Variants in DOCK7 observed in about 807,000 individuals in gnomAD.
DOCK7 encodes dedicator of cytokinesis protein 7.
Under a neutral mutation model 271.0 loss-of-function variants are expected in DOCK7, and 138 were observed. The ratio of observed to expected loss-of-function variants is 0.51; its 90% CI spans 0.44 to 0.59. DOCK7 has a LOEUF of 0.59. DOCK7 is among the 20% of genes least tolerant of loss of function. The pLI, the probability that DOCK7 is intolerant of heterozygous loss-of-function variation, is 0.00. For synonymous variants in DOCK7, 823 were observed against 876.1 expected (o/e 0.94, Z 1.07); for missense variants, 2,066 against 2,592.4 (o/e 0.80, Z 4.41).
intron 29 of DOCK7, among the ~76,000 whole-genome samples, chr1:62,534,420 G>GC (rs1432081956): frequency 5.3e-5 from 8 of 152,072 alleles, no homozygotes; most frequent in African/African-American, 1.9e-4. Flanking sequence ...TGGGAGACCA[G>GC]CCTGGCCAAC....
intron 38 of DOCK7, 192 bp from the exon 39 acceptor site, chr1:62,495,873 TCAG>T: frequency 2.2e-6 from 1 of 459,264 alleles, no homozygotes; most frequent in Non-Finnish European, 3.7e-6. Flanking sequence ...TATAAATTCC[TCAG>T]CAGACTATGT....
chr1:62,661,497 C>A (rs2149712975), intron 2 of DOCK7, among the ~76,000 whole-genome samples: 1 of 151,870 alleles, frequency 6.6e-6, no homozygotes, highest in South Asian at 2.1e-4. Context: ...ATATATTATA[C>A]ATATATAAAT....
chr1:62,682,047 GAA>G (rs200210698), intron 1 of DOCK7, among the ~76,000 whole-genome samples: 1 of 135,412 alleles, frequency 7.4e-6, no homozygotes. Flanking sequence ...GTATCTAAAA[GAA>G]AAAAAAAAAA....
At chr1:62,659,887 T>C (rs1486392854) in intron 2 of DOCK7, among the ~76,000 whole-genome samples, 1 of 151,490 alleles carries the variant, frequency 6.6e-6, no homozygotes, top group African/African-American at 2.4e-5. Context: ...AATAACAGAG[T>C]TATACTCTGT....
chr1:62,593,620 C>A (rs1171348463), intron 14 of DOCK7, among the ~76,000 whole-genome samples: 1 of 151,898 alleles, frequency 6.6e-6, no homozygotes, highest in Non-Finnish European at 1.5e-5. Context: ...TACGGCTGTT[C>A]AACTAAAAAA....
chr1:62,585,430 A>G (rs185399228), intron 15 of DOCK7, among the ~76,000 whole-genome samples: 1 of 152,294 alleles, frequency 6.6e-6, no homozygotes, highest in Admixed American at 6.5e-5. Flanking sequence ...CTATAGCAAT[A>G]GCATATTTCT....
intron 19 of DOCK7, among the ~76,000 whole-genome samples, chr1:62,561,034 C>T (rs1646305029): frequency 6.6e-6 from 1 of 152,018 alleles, no homozygotes. Context: ...AGTCAAAGCG[C>T]AACAGAGAAG....
Position 62,528,201 on chromosome 1 carries a change from T to G in DOCK7, c.3886A>C (p.Thr1296Pro), listed in dbSNP as rs749118619. The G allele has an allele frequency of 1.2e-6, 2 of 1,613,840 alleles. No individual in the cohort carries two copies. The highest frequency in any genetic ancestry group is 1.1e-5 in the South Asian group (1 of 91,044). Residue 1296 changes from threonine (T) to proline (P), a missense_variant, in exon 31 of 50, where the codon ACA becomes CCA. Physicochemically the swap from Thr to Pro is conservative, Grantham distance 38. Transcript: ENST00000635253. ...SQTVAMAIAG[T>P]SVPQLTRPGS... ...GGCCTTGTTAGTTGAGGGACCGATG[T>G]CCCTGCGATTGCCATGGCAACGGTC... is the stretch of plus-strand genomic sequence containing the variant.
At chr1:62,540,225 G>A (rs902856906) in intron 25 of DOCK7, among the ~76,000 whole-genome samples, 2 of 151,192 alleles carry the variant, frequency 1.3e-5, no homozygotes, top group African/African-American at 4.9e-5. Context: ...ACAGGCTGGA[G>A]TACAGTGGCA....
intron 4 of DOCK7, among the ~76,000 whole-genome samples, chr1:62,653,209 AGTTT>A (rs1657590954): frequency 6.6e-6 from 1 of 152,226 alleles, no homozygotes; most frequent in Admixed American, 6.5e-5. Flanking sequence ...GCTATTGCAC[AGTTT>A]ATTAGGAAAA....
At position 62,495,645 on chromosome 1, in the gene DOCK7, A is replaced by T. The variant is rs1301982572; in HGVS notation, c.4960T>A (p.Ser1654Thr). 1 of 1,590,268 alleles carries T rather than the reference A, an allele frequency of 6.3e-7. No homozygotes were observed. Reference protein sequence around the residue: ...DLVFNLHMILSDTVKMKEHQE... With the variant: ...DLVFNLHMILTDTVKMKEHQE... ...TGTTCCTTCATTTTCACAGTATCAG[A>T]AAGAATCATATGGAGATTGAAAACC... Residue 1654 changes from serine (S) to threonine (T), a missense_variant, in exon 39 of 50, where the codon TCT becomes ACT. Around this residue, in one of 2 missense-constraint regions of DOCK7, gnomAD observed 652 missense variants for 922.1 expected, o/e 0.71. Transcript: ENST00000635253.
At chr1:62,604,681 A>C (rs775345711) in intron 14 of DOCK7, 1 of 1,613,320 alleles carries the variant, frequency 6.2e-7, no homozygotes, top group Non-Finnish European at 8.5e-7. Context: ...CTAAATGGTA[A>C]ATATAACAAA....
In DOCK7 at chr1:62,555,890, A is replaced by C. The variant is rs755977075; in HGVS notation, c.2531T>G (p.Leu844Arg). 4.4e-5 allele frequency: 71 copies of C among 1,613,828 alleles called. No individual in the cohort carries two copies. Among genetic ancestry groups the C allele is most frequent in the Non-Finnish European group, 5.8e-5 (69 of 1,179,932 alleles). ...AACATAATGAATATATGATGCAAGAAGGCTGTTTCTGCCATGCTGGTCATG... is the reference window on the plus strand; with the variant it reads ...AACATAATGAATATATGATGCAAGACGGCTGTTTCTGCCATGCTGGTCATG... ...GNHDQHGRNS[L>R]LASYIHYVFR... The change falls in exon 21 of 50, where the codon CTT becomes CGT. Residue 844 changes from leucine (L) to arginine (R), a missense_variant. By Grantham distance (102) the Leu-to-Arg change is moderately radical (BLOSUM62 -2). Transcript: ENST00000635253.
chr1:62,662,862 AC>A (rs952947592), intron 2 of DOCK7, among the ~76,000 whole-genome samples, 162 bp downstream of exon 2: 18 of 152,176 alleles, frequency 1.2e-4, no homozygotes, highest in South Asian at 4.1e-4. Context: ...ATTCTATAAC[AC>A]CCCCAACATC....
chr1:62,601,864 T>A, intron 14 of DOCK7: 2 of 1,607,462 alleles, frequency 1.2e-6, no homozygotes, highest in Non-Finnish European at 1.7e-6. Flanking sequence ...TTTTCATGTC[T>A]ACTGTGATGT....
Position 62,648,237 on chromosome 1 carries a change from A to G in DOCK7, c.601T>C (p.Ser201Pro). ...WACSIFDLKNSLPDALLPNLL... is the reference protein window; with the variant it reads ...WACSIFDLKNPLPDALLPNLL... The stretch of plus-strand genomic sequence containing the variant: ...TTGGGAAGCAAAGCATCAGGAAGTG[A>G]ATTTTTCAAGTCAAAGATACTACAG... Residue 201 changes from serine to proline, a missense_variant, in exon 6 of 50, where the codon TCA (serine) becomes CCA (proline). Transcript: ENST00000635253. 1 of 1,613,698 alleles carries G rather than the reference A, an allele frequency of 6.2e-7. No individual in the cohort carries two copies. Among genetic ancestry groups the G allele is most frequent in the Non-Finnish European group, 8.5e-7 (1 of 1,179,750 alleles).
At chr1:62,634,620 G>A (rs899261525) in intron 9 of DOCK7, 153 bp downstream of exon 9, 2 of 663,906 alleles carry the variant, frequency 3.0e-6, no homozygotes, top group Admixed American at 6.2e-5. Flanking sequence ...AAATTAGGTA[G>A]CACCTACTGT....
intron 33 of DOCK7, 108 bp from the exon 34 acceptor site, chr1:62,510,781 AT>A: frequency 1.2e-6 from 1 of 807,750 alleles, no homozygotes; most frequent in Non-Finnish European, 1.9e-6. Context: ...TGTACAAGCC[AT>A]TTTATCCTCA....
intron 11 of DOCK7, 121 bp from the exon 12 acceptor site, chr1:62,625,522 T>G: frequency 1.0e-6 from 1 of 968,802 alleles, no homozygotes. Context: ...ATATCAAGTA[T>G]AGTAGGAGAA....
Sources: gnomAD v4.1 joint callset for allele counts (sites outside exome capture counted in the v4.1 genomes callset) on GRCh38, gnomAD v4.1.1 for gene constraint, gnomAD v4.1.1 regional missense constraint, MANE v1.5 for transcripts, NCBI Gene and HGNC (gene_info 2026-07-23, HGNC 2026-07-21) for gene names.